The following MOB3B variants were observed in gnomAD, a reference collection of about 807,000 sequenced individuals.
MOB3B encodes MOB kinase activator-like 2B.
In MOB3B, 7 loss-of-function variants were observed where a neutral mutation model predicts 18.7. The observed-to-expected ratio is 0.37, with a 90% confidence interval of 0.21 to 0.70. The LOEUF (loss-of-function observed/expected upper bound fraction) is 0.70. MOB3B is among the 30% of genes least tolerant of loss of function. MOB3B has a pLI of 0.52. For missense variants in MOB3B, 253 were observed against 281.3 expected, an observed-to-expected ratio of 0.90 and a Z score of 0.72; for synonymous variants, 111 against 99.9, an observed-to-expected ratio of 1.11 and a Z score of -0.66.
chr9:27,486,105 A>T (rs1420845582), intron 1 of MOB3B, among the ~76,000 whole-genome samples: 1 of 152,200 alleles, frequency 6.6e-6, no homozygotes, highest in Admixed American at 6.5e-5. Flanking sequence ...GTGTGCCAAG[A>T]ATGAAAAGAG....
intron 1 of MOB3B, chr9:27,524,529 GC>G (rs1314437306): frequency 6.2e-7 from 1 of 1,614,076 alleles, no homozygotes; most frequent in Admixed American, 1.7e-5. Flanking sequence ...AGAAAACATA[GC>G]TTTTGAGTTG....
chr9:27,347,108 C>A (rs566010116), intron 3 of MOB3B, among the ~76,000 whole-genome samples: 16 of 152,330 alleles, frequency 1.1e-4, no homozygotes, highest in African/African-American at 3.8e-4. Context: ...TGGAGGGAAT[C>A]TAAACCTATC....
intron 2 of MOB3B, among the ~76,000 whole-genome samples, chr9:27,403,516 ATTTTTTTTTTTTTTTTT>A (rs74178385): frequency 1.0e-4 from 8 of 79,626 alleles, no homozygotes; most frequent in South Asian, 6.0e-4. Context: ...CTCTTTACTA[ATTTTTTTTTTTTTTTTT>A]TTTTTTTTTT....
chr9:27,385,452 G>A (rs917719774), intron 2 of MOB3B, among the ~76,000 whole-genome samples: 3 of 152,120 alleles, frequency 2.0e-5, no homozygotes, highest in Non-Finnish European at 4.4e-5. Context: ...GGTGCCTAAG[G>A]GGCCTTGGTG....
chr9:27,351,872 AG>A (rs1161836439), intron 3 of MOB3B, among the ~76,000 whole-genome samples: 1 of 152,170 alleles, frequency 6.6e-6, no homozygotes, highest in Non-Finnish European at 1.5e-5. Flanking sequence ...TTATGAGACA[AG>A]GCTTTCCAAA....
intron 2 of MOB3B, among the ~76,000 whole-genome samples, chr9:27,415,860 C>A (rs1291082577): frequency 2.0e-5 from 3 of 152,200 alleles, no homozygotes; most frequent in Admixed American, 6.5e-5. Context: ...TTCTAAACTG[C>A]AATACGAGTG....
chr9:27,494,117 G>T (rs897565963), intron 1 of MOB3B, among the ~76,000 whole-genome samples: 1 of 152,156 alleles, frequency 6.6e-6, no homozygotes, highest in Non-Finnish European at 1.5e-5. Context: ...GTGCTCCCAG[G>T]CTTATTAGGA....
At chr9:27,369,853 A>ACCTCAC (rs1386143303) in intron 2 of MOB3B, among the ~76,000 whole-genome samples, 3 of 151,158 alleles carry the variant, frequency 2.0e-5, no homozygotes, top group African/African-American at 7.3e-5. Context: ...CTCCCTGGCC[A>ACCTCAC]CCTCACCCTC....
intron 1 of MOB3B, among the ~76,000 whole-genome samples, chr9:27,508,769 T>C (rs1820095311): frequency 6.6e-6 from 1 of 152,152 alleles, no homozygotes; most frequent in South Asian, 2.1e-4. Flanking sequence ...AGAAACAACA[T>C]TAATGTTATG....
At chr9:27,392,787 C>T (rs1257255643) in intron 2 of MOB3B, among the ~76,000 whole-genome samples, 1 of 152,222 alleles carries the variant, frequency 6.6e-6, no homozygotes, top group Admixed American at 6.5e-5. Flanking sequence ...GCATCACTTA[C>T]ATAACCAATT....
rs1039096663 is a variant in MOB3B at position 27,328,485 on chromosome 9, T to G, written c.*2102A>C. 4 of 152,090 alleles carry G rather than the reference T, an allele frequency of 2.6e-5. No homozygotes were observed. The highest frequency in any genetic ancestry group is 2.0e-4 in the Admixed American group (3 of 15,280). The allele number at this position is 152,090 out of a possible 1,614,324, so 9.4% of individuals were successfully genotyped here. A position where few individuals can be genotyped will look rare whatever the true frequency, so the allele number is the denominator to read the frequency against. ...CAGGAGGAAATTCTTCCAAGAAGCTTAAAAAGATTTGGATTTTTAAATTGA... is the reference window on the plus strand; with the variant it reads ...CAGGAGGAAATTCTTCCAAGAAGCTGAAAAAGATTTGGATTTTTAAATTGA... On this transcript the variant is annotated 3_prime_UTR_variant, in exon 4 of 4. Coordinates refer to ENST00000262244, the MANE Select transcript of MOB3B (RefSeq NM_024761.5).
intron 1 of MOB3B, among the ~76,000 whole-genome samples, chr9:27,466,887 C>A (rs1432938742): frequency 6.6e-6 from 1 of 152,092 alleles, no homozygotes; most frequent in African/African-American, 2.4e-5. Flanking sequence ...GGGGACACAG[C>A]CAAACCATAT....
At chr9:27,481,595 G>A (rs1246006692) in intron 1 of MOB3B, among the ~76,000 whole-genome samples, 1 of 144,162 alleles carries the variant, frequency 6.9e-6, no homozygotes, top group Non-Finnish European at 1.5e-5. Flanking sequence ...GCGTGATCTC[G>A]GCTCACTGCA....
intron 2 of MOB3B, among the ~76,000 whole-genome samples, chr9:27,361,365 A>G (rs1350038103): frequency 2.6e-5 from 4 of 152,178 alleles, no homozygotes; most frequent in Non-Finnish European, 5.9e-5. Flanking sequence ...TGAGGCATCT[A>G]AAAGTTACTC....
chr9:27,498,427 G>C (rs1046863538), intron 1 of MOB3B, among the ~76,000 whole-genome samples: 1 of 152,138 alleles, frequency 6.6e-6, no homozygotes, highest in African/African-American at 2.4e-5. Context: ...GTGTGTTAGG[G>C]AGGGGTGGGC....
intron 2 of MOB3B, among the ~76,000 whole-genome samples, chr9:27,447,245 T>C (rs777276462): frequency 1.5e-4 from 23 of 152,124 alleles, no homozygotes; most frequent in Non-Finnish European, 2.5e-4. Context: ...AAAGAAGCCC[T>C]CTGGTGTCAG....
chr9:27,419,729 C>G, intron 2 of MOB3B, among the ~76,000 whole-genome samples: 1 of 152,204 alleles, frequency 6.6e-6, no homozygotes, highest in South Asian at 2.1e-4. Context: ...AAAAAGCCTT[C>G]TAGCCATTGG....
intron 3 of MOB3B, among the ~76,000 whole-genome samples, chr9:27,342,214 G>A (rs759351963): frequency 1.3e-5 from 2 of 152,148 alleles, no homozygotes; most frequent in Non-Finnish European, 2.9e-5. Context: ...CATGACCAGT[G>A]AGACTCTCTA....
intron 1 of MOB3B, among the ~76,000 whole-genome samples, chr9:27,475,791 A>C (rs748752312): frequency 2.0e-5 from 3 of 152,174 alleles, no homozygotes; most frequent in Non-Finnish European, 4.4e-5. Flanking sequence ...TCAAATTGCC[A>C]ACACATCCCA....
Sources: gnomAD v4.1 joint callset for allele counts (sites outside exome capture counted in the v4.1 genomes callset) on GRCh38, gnomAD v4.1.1 for gene constraint, MANE v1.5 for transcripts, NCBI Gene and HGNC (gene_info 2026-07-23, HGNC 2026-07-21) for gene names.